Variants in GAB2 observed in about 807,000 individuals in gnomAD.
GAB2 encodes the protein GRB2-associated-binding protein 2.
In GAB2, 26 loss-of-function variants were observed where a neutral mutation model predicts 65.5. The observed-to-expected ratio is 0.40, with a 90% CI of 0.29 to 0.55. GAB2 has a LOEUF of 0.55. Among genes scored for constraint, GAB2 ranks in the 20% least tolerant of loss-of-function variants. GAB2 has a pLI of 0.53. For synonymous variants in GAB2, 321 were observed against 329.6 expected (o/e 0.97, Z 0.28); for missense variants, 884 against 875.8 (o/e 1.01, Z -0.12).
intron 1 of GAB2, among the ~76,000 whole-genome samples, chr11:78,403,283 AAATT>A (rs2135083841): frequency 6.6e-6 from 1 of 152,388 alleles, no homozygotes; most frequent in Admixed American, 6.5e-5. Context: ...CTTAAAAAGA[AAATT>A]AATAATTGCT....
At chr11:78,312,577 C>G (rs1855523368) in intron 1 of GAB2, among the ~76,000 whole-genome samples, 1 of 152,146 alleles carries the variant, frequency 6.6e-6, no homozygotes, top group Non-Finnish European at 1.5e-5. Context: ...AGGTGCCCAC[C>G]ACCATGCCCC....
rs1222007604 is a variant in GAB2 at position 78,417,653 on chromosome 11, C to T, written c.68G>A (p.Arg23Lys). 3.6e-6 allele frequency: 5 copies of T among 1,387,300 alleles called. No individual in the cohort carries two copies. The highest frequency in any genetic ancestry group is 4.8e-6 in the Non-Finnish European group (5 of 1,047,632). The allele number at this position is 1,387,300 out of a possible 1,614,324, so 85.9% of individuals were successfully genotyped here. Residue 23 changes from arginine to lysine, a missense_variant, in exon 1 of 10, where the codon AGG (arginine) becomes AAG (lysine). Physicochemically the swap from Arg to Lys is conservative, Grantham distance 26. Coordinates refer to ENST00000361507, the MANE Select transcript of GAB2 (RefSeq NM_080491.3). Reference protein sequence around the residue: ...LRKSPPEKKLRRYAWKKRWFI... With the variant: ...LRKSPPEKKLKRYAWKKRWFI... The stretch of plus-strand genomic sequence containing the variant: ...GGCCGCGCCCGCACTCACATAGCGC[C>T]TCAACTTCTTCTCGGGAGGCGATTT...
rs767543582 is a variant in GAB2 at position 78,299,001 on chromosome 11, A to T, written c.76-18100T>A. Among the ~76,000 whole-genome samples, 26 of 152,220 alleles carry T rather than the reference A, an allele frequency of 1.7e-4. 1 individual carries two copies. Among genetic ancestry groups the T allele is most frequent in the Non-Finnish European group, 2.9e-4 (20 of 68,044 alleles). ...CAGAATCACTAAGACATCTGTTCACAATGGAGAATACCAGGCCTCAGTCTC... is the reference window on the plus strand; with the variant it reads ...CAGAATCACTAAGACATCTGTTCACTATGGAGAATACCAGGCCTCAGTCTC... On this transcript the variant is annotated intron_variant, in intron 1 of 9. Coordinates refer to ENST00000361507, the MANE Select transcript of GAB2 (RefSeq NM_080491.3).
chr11:78,395,170 C>G (rs1377590245), intron 1 of GAB2, among the ~76,000 whole-genome samples: 1 of 152,212 alleles, frequency 6.6e-6, no homozygotes, highest in East Asian at 1.9e-4. Context: ...AAAAATCAAC[C>G]AGGCCAGGCG....
chr11:78,242,594 C>T (rs1026836447), intron 3 of GAB2, among the ~76,000 whole-genome samples: 6 of 151,750 alleles, frequency 4.0e-5, no homozygotes, highest in Admixed American at 1.3e-4. Flanking sequence ...TGGAATACAG[C>T]AAAAGCAGTA....
At chr11:78,245,448 A>G (rs1481555886) in intron 3 of GAB2, among the ~76,000 whole-genome samples, 1 of 152,214 alleles carries the variant, frequency 6.6e-6, no homozygotes, top group Non-Finnish European at 1.5e-5. Flanking sequence ...TGCTGAAAGA[A>G]AACAGAACTG....
At chr11:78,350,938 CAG>C (rs1280267826) in intron 1 of GAB2, among the ~76,000 whole-genome samples, 4 of 152,228 alleles carry the variant, frequency 2.6e-5, no homozygotes, top group African/African-American at 9.6e-5. Flanking sequence ...CACAACCCGA[CAG>C]GGGAACTGAA....
chr11:78,350,701 G>A (rs1448133456), intron 1 of GAB2, among the ~76,000 whole-genome samples: 1 of 152,130 alleles, frequency 6.6e-6, no homozygotes, highest in Non-Finnish European at 1.5e-5. Flanking sequence ...GATGTTTTCT[G>A]GTTGTTCCTC....
At chr11:78,266,214 CAAAAAAA>C (rs11445907) in intron 2 of GAB2, among the ~76,000 whole-genome samples, 5 of 65,042 alleles carry the variant, frequency 7.7e-5, no homozygotes, top group African/African-American at 3.0e-4. Context: ...GACTCCATCT[CAAAAAAA>C]AAAAAAAAAA....
At position 78,222,146 on chromosome 11, in the gene GAB2, G is replaced by A. The variant is rs111448017; in HGVS notation, c.1617C>T (p.Leu539=). Residue 539 remains leucine (L), a synonymous_variant, in exon 7 of 10, where the codon CTC becomes CTT. Transcript: ENST00000361507. The part of the protein sequence containing the change: ...DLRNNTVIDE[L]PFKSPITKSW... The stretch of plus-strand genomic sequence containing the variant: ...ACTTGGTGATAGGTGACTTGAAGGG[G>A]AGTTCATCGATGACGGTGTTGTTCC... 151 of 1,614,010 alleles carry A rather than the reference G, an allele frequency of 9.4e-5. No homozygotes were observed. The Middle Eastern group carries it at 2.3e-3, about 25-fold the overall frequency.
chr11:78,257,619 C>G (rs1202015427), intron 2 of GAB2, among the ~76,000 whole-genome samples: 1 of 152,164 alleles, frequency 6.6e-6, no homozygotes, highest in African/African-American at 2.4e-5. Flanking sequence ...GAGGTACGAG[C>G]TGCTTTCCAA....
intron 8 of GAB2, among the ~76,000 whole-genome samples, chr11:78,221,088 G>C (rs1864401446): frequency 6.6e-6 from 1 of 152,192 alleles, no homozygotes; most frequent in Non-Finnish European, 1.5e-5. Flanking sequence ...TCGTGCTCTA[G>C]CAGAGCACCA....
rs55716895 is a variant in GAB2 at position 78,227,631 on chromosome 11, C to CAAAAAAAAAAAAAAAAAAAAAA, written c.621-581_621-580insTTTTTTTTTTTTTTTTTTTTTT. On this transcript the variant is annotated intron_variant, in intron 3 of 9. Transcript: ENST00000361507. ...GAACACAATAAGACTCCATTGCCACCAAAAAAAAAAAAAAAAGAACTAGCT... is the reference window on the plus strand; with the variant it reads ...GAACACAATAAGACTCCATTGCCACCAAAAAAAAAAAAAAAAAAAAAAAAAAAAAAAAAAAAAAGAACTAGCT... Among the ~76,000 whole-genome samples the CAAAAAAAAAAAAAAAAAAAAAA allele has an allele frequency of 4.7e-4, 50 of 106,106 alleles. 1 individual carries two copies. Among genetic ancestry groups the CAAAAAAAAAAAAAAAAAAAAAA allele is most frequent in the African/African-American group, 1.7e-3 (48 of 27,580 alleles). The allele number at this position is 106,106 out of a possible 152,430, so 69.6% of individuals were successfully genotyped here. A position where few individuals can be genotyped will look rare whatever the true frequency, so the allele number is the denominator to read the frequency against.
Position 78,219,229 on chromosome 11 carries a change from G to T in GAB2, c.*43C>A, listed in dbSNP as rs530915833. The T allele has an allele frequency of 5.0e-6, 8 of 1,594,656 alleles. No homozygotes were observed. Among genetic ancestry groups the T allele is most frequent in the Non-Finnish European group, 6.0e-6 (7 of 1,166,628 alleles). Reference sequence around the variant, plus strand: ...GGGAGAGGGGAGATGGGAAGGGCCAGCTCTGGAGATGCTGCCTCCTGGGCT... The same window carrying T: ...GGGAGAGGGGAGATGGGAAGGGCCATCTCTGGAGATGCTGCCTCCTGGGCT... On this transcript the variant is annotated 3_prime_UTR_variant, in exon 10 of 10. Transcript: ENST00000361507.
chr11:78,354,608 GA>G (rs1479962407), intron 1 of GAB2, among the ~76,000 whole-genome samples: 2 of 152,078 alleles, frequency 1.3e-5, no homozygotes, highest in African/African-American at 4.8e-5. Flanking sequence ...ACCTGGTCTG[GA>G]CAGCAATACA....
chr11:78,363,551 C>T (rs1856460543), intron 1 of GAB2, among the ~76,000 whole-genome samples: 1 of 151,844 alleles, frequency 6.6e-6, no homozygotes, highest in South Asian at 2.1e-4. Flanking sequence ...TCCAGGGGAC[C>T]ACAACCTAGT....
chr11:78,227,583 C>G (rs943294387), intron 3 of GAB2, among the ~76,000 whole-genome samples: 2 of 146,212 alleles, frequency 1.4e-5, no homozygotes, highest in African/African-American at 2.6e-5. Context: ...TCACTTGAGG[C>G]CAGGAGTTCA....
intron 1 of GAB2, among the ~76,000 whole-genome samples, chr11:78,293,316 T>C (rs565074365): frequency 6.6e-6 from 1 of 152,330 alleles, no homozygotes; most frequent in African/African-American, 2.4e-5. Context: ...TATGACATTC[T>C]GAGGTCAGGG....
intron 1 of GAB2, among the ~76,000 whole-genome samples, chr11:78,321,638 A>G (rs568008545): frequency 5.9e-5 from 9 of 152,328 alleles, no homozygotes; most frequent in African/African-American, 2.2e-4. Flanking sequence ...GTAAGATTTA[A>G]CAAAAGTTCA....
Sources: allele counts gnomAD v4.1 joint callset (sites outside exome capture counted in the v4.1 genomes callset), GRCh38; gene constraint gnomAD v4.1.1; transcripts MANE v1.5; gene names NCBI Gene and HGNC (gene_info 2026-07-23, HGNC 2026-07-21).